The following SLC45A3 variants were observed in gnomAD, a reference collection of about 807,000 sequenced individuals.
SLC45A3 encodes prostate cancer associated protein 2.
SLC45A3 carries 17 observed loss-of-function variants against 35.3 expected under a neutral mutation model. The observed-to-expected ratio is 0.48, with a 90% CI of 0.33 to 0.72. The LOEUF (loss-of-function observed/expected upper bound fraction) is 0.72. SLC45A3 is among the 30% of genes least tolerant of loss of function. SLC45A3 has a pLI of 0.02. For missense variants in SLC45A3, 597 were observed against 731.7 expected, an observed-to-expected ratio of 0.82 and a Z score of 2.12; for synonymous variants, 288 against 334.3, an observed-to-expected ratio of 0.86 and a Z score of 1.51.
chr1:205,676,449 C>A (rs1172324668), intron 1 of SLC45A3, among the ~76,000 whole-genome samples: 2 of 152,110 alleles, frequency 1.3e-5, no homozygotes, highest in Non-Finnish European at 2.9e-5. Flanking sequence ...CCAGAAGTAA[C>A]AAAGAAGGGG....
At chr1:205,677,531 G>A (rs933616198) in intron 1 of SLC45A3, among the ~76,000 whole-genome samples, 4 of 152,200 alleles carry the variant, frequency 2.6e-5, no homozygotes, top group Non-Finnish European at 4.4e-5. Context: ...TTACAGAGGA[G>A]GAAGTTGAAA....
At chr1:205,667,992 G>A (rs12140238) in intron 1 of SLC45A3, among the ~76,000 whole-genome samples, 9,571 of 152,146 alleles carry the variant, frequency 0.063, 323 homozygotes, top group South Asian at 0.15. Flanking sequence ...TGGGCCAGGT[G>A]GGGAAAGGAT....
At position 205,662,641 on chromosome 1, in the gene SLC45A3, A is replaced by T; in HGVS notation, c.958+192T>A. The T allele has an allele frequency of 7.2e-7, 1 of 1,383,662 alleles. No individual in the cohort carries two copies. The highest frequency in any genetic ancestry group is 9.3e-7 in the Non-Finnish European group (1 of 1,073,932). The allele number at this position is 1,383,662 out of a possible 1,614,324, so 85.7% of individuals were successfully genotyped here. ...CTGATCAGACTCCTAGAGCAGCCAG[A>T]GGCCTTCCTGAAACCGCAAGCAGAG... On this transcript the variant is annotated intron_variant, in intron 3 of 4. Transcript: ENST00000367145. This position sits in a 1 kb window ranked among gnomAD's most constrained non-coding sequence, Gnocchi z 6.2.
chr1:205,672,235 C>G (rs1388435179), intron 1 of SLC45A3, among the ~76,000 whole-genome samples: 3 of 152,114 alleles, frequency 2.0e-5, no homozygotes, highest in Admixed American at 6.6e-5. Context: ...GTGCCTCCCC[C>G]ACCACACCAG....
chr1:205,661,490 C>A (rs16856097), intron 4 of SLC45A3, among the ~76,000 whole-genome samples: 1 of 152,264 alleles, frequency 6.6e-6, no homozygotes, highest in East Asian at 1.9e-4. Context: ...ATTCCCACTC[C>A]CGTCTGCTGA....
Position 205,662,827 on chromosome 1 carries a change from C to G in SLC45A3, c.958+6G>C. 6.3e-6 allele frequency: 10 copies of G among 1,578,012 alleles called. No homozygotes were observed. The highest frequency in any genetic ancestry group is 7.8e-6 in the Non-Finnish European group (9 of 1,158,774). ...CACCAGCCTCTGCTGGCTGCCAAGG[C>G]CTTACCTTCATCATAGTGTCTCCGG... On this transcript the variant is annotated splice_donor_region_variant and intron_variant, in intron 3 of 4. Coordinates refer to ENST00000367145, the MANE Select transcript of SLC45A3 (RefSeq NM_033102.3). This position sits in a 1 kb window ranked among gnomAD's most constrained non-coding sequence, Gnocchi z 6.2.
chr1:205,674,378 G>C (rs1346169761), intron 1 of SLC45A3, among the ~76,000 whole-genome samples: 2 of 152,098 alleles, frequency 1.3e-5, no homozygotes, highest in East Asian at 3.9e-4. Context: ...CTTGAGGTCA[G>C]GAGTTTGAGA....
intron 1 of SLC45A3, among the ~76,000 whole-genome samples, chr1:205,673,746 G>C (rs1671254150): frequency 6.6e-6 from 1 of 152,202 alleles, no homozygotes; most frequent in Non-Finnish European, 1.5e-5. Context: ...GTCAGACTCA[G>C]TACTCTGCAA....
At chr1:205,670,714 G>A (rs1457810099) in intron 1 of SLC45A3, among the ~76,000 whole-genome samples, 1 of 152,234 alleles carries the variant, frequency 6.6e-6, no homozygotes, top group African/African-American at 2.4e-5. Context: ...AGGGGGATTA[G>A]GGAGAAACCT....
rs768335329 is a variant in SLC45A3 at position 205,662,924 on chromosome 1, C to T, written c.867G>A (p.Thr289=). 10 of 1,613,454 alleles carry T rather than the reference C, an allele frequency of 6.2e-6. No homozygotes were observed. In the Admixed American group the frequency reaches 6.7e-5, roughly 11 times the overall value. The part of the protein sequence containing the change: ...LCSWMALMTF[T]LFYTDFVGEG... ...CGCCCACGAAATCCGTGTAAAACAG[C>T]GTGAAGGTCATGAGTGCCATCCAGC... The change falls in exon 3 of 5, where the codon ACG becomes ACA. Residue 289 remains threonine, a synonymous_variant. Transcript: ENST00000367145. The surrounding 1 kb of genome is among the most constrained non-coding windows in gnomAD (Gnocchi z 6.2).
Position 205,663,076 on chromosome 1 carries a change from G to T in SLC45A3, c.715C>A (p.Pro239Thr). The change falls in exon 3 of 5, where the codon CCC becomes ACC. Residue 239 changes from proline (P) to threonine (T), a missense_variant. Transcript: ENST00000367145. ...CGGGCCCGGCATGGACAGCAGTGGG[G>T]CGACAAGGAGGGGGCCGACAGCCCT... Reference protein sequence around the residue: ...AEGLSAPSLSPHCCPCRARLA... With the variant: ...AEGLSAPSLSTHCCPCRARLA... 1 of 1,605,638 alleles carries T rather than the reference G, an allele frequency of 6.2e-7. No homozygotes were observed. Among genetic ancestry groups the T allele is most frequent in the Non-Finnish European group, 8.5e-7 (1 of 1,174,664 alleles).
intron 4 of SLC45A3, among the ~76,000 whole-genome samples, chr1:205,660,690 G>A (rs1197329456): frequency 6.6e-6 from 1 of 152,096 alleles, no homozygotes; most frequent in African/African-American, 2.4e-5. Context: ...GTGGTCCGAG[G>A]ACAGACATGC....
At chr1:205,672,477 C>T (rs1044339728) in intron 1 of SLC45A3, among the ~76,000 whole-genome samples, 1 of 152,232 alleles carries the variant, frequency 6.6e-6, no homozygotes, top group Admixed American at 6.5e-5. Flanking sequence ...TCAGAGGCGT[C>T]TAGCGTGTGC....
In SLC45A3 at chr1:205,662,124, C is replaced by T. The variant is rs140557323; in HGVS notation, c.961G>A (p.Val321Ile). The T allele has an allele frequency of 8.9e-5, 144 of 1,611,476 alleles. No individual in the cohort carries two copies. Among genetic ancestry groups the T allele is most frequent in the South Asian group, 4.5e-4 (41 of 90,822 alleles). Residue 321 changes from valine to isoleucine, a missense_variant and splice_region_variant, in exon 4 of 5, where the codon GTT becomes ATT. Physicochemically the swap from Val to Ile is conservative, Grantham distance 29. This residue lies in a region of SLC45A3 where 555 missense variants were observed against 664.9 expected (regional missense o/e 0.83). Transcript: ENST00000367145. The surrounding 1 kb of genome is among the most constrained non-coding windows in gnomAD (Gnocchi z 6.2). ...AACAGCCCCAGGCTGCCCATCCGAA[C>T]GCCTGCAGAGGGAGAGGGGCCATCA... Reference protein sequence around the residue: ...TEARRHYDEGVRMGSLGLFLQ... With the variant: ...TEARRHYDEGIRMGSLGLFLQ...
chr1:205,666,125 ACTTAT>A lies in SLC45A3; in HGVS notation c.-230-1244_-230-1240del, dbSNP rs1209918644. ...GCACCTCATTATAAAAGGCATTTCAACTTATCTTATCTTTTCACACAATACTAAAC... is the reference window on the plus strand; with the variant it reads ...GCACCTCATTATAAAAGGCATTTCAACTTATCTTTTCACACAATACTAAAC... On this transcript the variant is annotated intron_variant, in intron 1 of 4. Coordinates refer to ENST00000367145, the MANE Select transcript of SLC45A3 (RefSeq NM_033102.3). This position sits in a 1 kb window ranked among gnomAD's most constrained non-coding sequence, Gnocchi z 4.1. Among the ~76,000 whole-genome samples, 16 of 152,196 alleles carry A rather than the reference ACTTAT, an allele frequency of 1.1e-4. No individual in the cohort carries two copies. The highest frequency in any genetic ancestry group is 4.1e-4 in the South Asian group (2 of 4,820).
intron 1 of SLC45A3, among the ~76,000 whole-genome samples, chr1:205,674,573 C>T (rs1558037372): frequency 1.7e-5 from 2 of 116,210 alleles, no homozygotes; most frequent in Non-Finnish European, 3.2e-5. Context: ...GGCAACAGAG[C>T]GAGATGCCAT....
At position 205,662,821 on chromosome 1, in the gene SLC45A3, CCAAGGCCTTACCTTCAT is replaced by C; in HGVS notation, c.953_958+11del. Reference sequence around the variant, plus strand: ...CTCCCACACCAGCCTCTGCTGGCTGCCAAGGCCTTACCTTCATCATAGTGTCTCCGGGCCTCGGTGCC... The same window carrying C: ...CTCCCACACCAGCCTCTGCTGGCTGCCATAGTGTCTCCGGGCCTCGGTGCC... On this transcript the variant is annotated splice_donor_variant and splice_donor_5th_base_variant and coding_sequence_variant and intron_variant, in exon 3 of 5. Transcript: ENST00000367145. LOFTEE classifies it high-confidence loss of function. This position sits in a 1 kb window ranked among gnomAD's most constrained non-coding sequence, Gnocchi z 6.2. 1 of 1,564,648 alleles carries C rather than the reference CCAAGGCCTTACCTTCAT, an allele frequency of 6.4e-7. No homozygotes were observed. Among genetic ancestry groups the C allele is most frequent in the Non-Finnish European group, 8.7e-7 (1 of 1,151,614 alleles).
In SLC45A3 at chr1:205,662,615, T is replaced by G. The variant is rs1392762607; in HGVS notation, c.958+218A>C. 7.4e-7 allele frequency: 1 copy of G among 1,353,698 alleles called. No homozygotes were observed. The highest frequency in any genetic ancestry group is 1.5e-5 in the African/African-American group (1 of 67,988). 83.9% of individuals were successfully genotyped at this position (1,353,698 alleles called of 1,614,324 possible). ...CCTTCTGTCAAACTGGGGCAACGAC[T>G]CTGATCAGACTCCTAGAGCAGCCAG... On this transcript the variant is annotated intron_variant, in intron 3 of 4. Coordinates refer to ENST00000367145, the MANE Select transcript of SLC45A3 (RefSeq NM_033102.3). The surrounding 1 kb of genome is among the most constrained non-coding windows in gnomAD (Gnocchi z 6.2).
In SLC45A3 at chr1:205,664,681, G is replaced by A; in HGVS notation, c.-25C>T. 6.2e-7 allele frequency: 1 copy of A among 1,612,160 alleles called. No homozygotes were observed. Among genetic ancestry groups the A allele is most frequent in the Non-Finnish European group, 8.5e-7 (1 of 1,179,084 alleles). On this transcript the variant is annotated 5_prime_UTR_variant, in exon 2 of 5. Transcript: ENST00000367145. The surrounding 1 kb of genome is among the most constrained non-coding windows in gnomAD (Gnocchi z 5.3). Reference sequence around the variant, plus strand: ...TAGTGGGCCAGGCGGGTAGGGCTCAGGGGGCCGTTCAGGCACTCCAGAACT... The same window carrying A: ...TAGTGGGCCAGGCGGGTAGGGCTCAAGGGGCCGTTCAGGCACTCCAGAACT...
Sources: gnomAD v4.1 joint callset for allele counts (sites outside exome capture counted in the v4.1 genomes callset) on GRCh38, gnomAD v4.1.1 for gene constraint, gnomAD v4.1.1 regional missense constraint, Gnocchi (gnomAD v3.1) non-coding constraint, MANE v1.5 for transcripts, NCBI Gene and HGNC (gene_info 2026-07-23, HGNC 2026-07-21) for gene names.